Variants in SP100 observed in about 807,000 individuals in gnomAD.
The protein encoded by SP100 is nuclear autoantigen Sp-100.
A neutral mutation model predicts 130.0 loss-of-function variants in SP100; 84 were observed. That is an observed-to-expected ratio of 0.65 (90% CI 0.54 to 0.77). The LOEUF is 0.77. Ranked by LOEUF, SP100 falls within the 30% of genes least tolerant of loss-of-function variation. The pLI is 0.00. For synonymous variants in SP100, 331 were observed against 351.7 expected, an observed-to-expected ratio of 0.94 and a Z score of 0.66; for missense variants, 978 against 1,052.2, an observed-to-expected ratio of 0.93 and a Z score of 0.97.
At chr2:230,448,424 T>C (rs1235471999) in intron 5 of SP100, among the ~76,000 whole-genome samples, 1 of 152,150 alleles carries the variant, frequency 6.6e-6, no homozygotes, top group Non-Finnish European at 1.5e-5. Flanking sequence ...GCAGATAAGG[T>C]AACTGAAATC....
chr2:230,517,239 G>A (rs1294887848), intron 24 of SP100, among the ~76,000 whole-genome samples: 1 of 152,122 alleles, frequency 6.6e-6, no homozygotes, highest in Non-Finnish European at 1.5e-5. Flanking sequence ...TTAGGATGTT[G>A]ATCTTGGGGA....
At position 230,506,263 on chromosome 2, in the gene SP100, T is replaced by C. The variant is rs562280260; in HGVS notation, c.1871-40T>C. On this transcript the variant is annotated intron_variant, in intron 21 of 28. Coordinates refer to ENST00000340126, the MANE Select transcript of SP100 (RefSeq NM_001080391.2). ...CATGGGGGGAGGCCAAGTTCAGGTG[T>C]TTTCACAGTTGGGGAGCTCACTTTG... is the stretch of plus-strand genomic sequence containing the variant. The C allele has an allele frequency of 9.3e-6, 15 of 1,608,074 alleles. No homozygotes were observed. The South Asian group carries it at 1.5e-4, about 17-fold the overall frequency.
At chr2:230,512,291 T>C (rs1418937506) in intron 24 of SP100, among the ~76,000 whole-genome samples, 4 of 135,232 alleles carry the variant, frequency 3.0e-5, no homozygotes, top group Non-Finnish European at 6.4e-5. Flanking sequence ...TTTTTTTTTT[T>C]TTTTTTTTTT....
chr2:230,509,808 T>C (rs1362190474), intron 23 of SP100: 1 of 152,258 alleles, frequency 6.6e-6, no homozygotes, highest in Non-Finnish European at 1.5e-5. Flanking sequence ...GCTAATCGTT[T>C]ACTGGCTGCT....
Position 230,464,015 on chromosome 2 carries a change from G to T in SP100, c.1058-52G>T, listed in dbSNP as rs147199722. On this transcript the variant is annotated intron_variant, in intron 10 of 28. Coordinates refer to ENST00000340126, the MANE Select transcript of SP100 (RefSeq NM_001080391.2). ...TTATTAGGGAATTTCCTACTGAACT[G>T]ATTCCTTGGTCACACACTGAGACCT... 617 of 1,242,036 alleles carry T rather than the reference G, an allele frequency of 5.0e-4. 2 individuals are homozygous for T. The African/African-American group carries it at 8.4e-3, about 17-fold the overall frequency. 76.9% of individuals were successfully genotyped at this position (1,242,036 alleles called of 1,614,324 possible). A position where few individuals can be genotyped will look rare whatever the true frequency, so the allele number is the denominator to read the frequency against.
intron 17 of SP100, among the ~76,000 whole-genome samples, chr2:230,489,479 G>GTT (rs528312665): frequency 6.6e-6 from 1 of 151,236 alleles, no homozygotes. Flanking sequence ...CCAGCTCCTG[G>GTT]TTTTTTTGGA....
chr2:230,455,329 G>T (rs751361630), intron 8 of SP100, among the ~76,000 whole-genome samples: 1 of 152,196 alleles, frequency 6.6e-6, no homozygotes, highest in African/African-American at 2.4e-5. Flanking sequence ...CTCCCAAAGT[G>T]TTGGGATTAC....
chr2:230,447,604 T>C (rs779376398), intron 5 of SP100, among the ~76,000 whole-genome samples: 1 of 152,136 alleles, frequency 6.6e-6, no homozygotes, highest in Non-Finnish European at 1.5e-5. Context: ...ATATTTGACA[T>C]TTATTATAAA....
Position 230,439,011 on chromosome 2 carries a change from T to G in SP100, c.108-3926T>G, listed in dbSNP as rs946469628. Among the ~76,000 whole-genome samples, 4 of 152,138 alleles carry G rather than the reference T, an allele frequency of 2.6e-5. No homozygotes were observed. The East Asian group carries it at 7.7e-4, about 29-fold the overall frequency. On this transcript the variant is annotated intron_variant, in intron 2 of 28. Coordinates refer to ENST00000340126, the MANE Select transcript of SP100 (RefSeq NM_001080391.2). Reference sequence around the variant, plus strand: ...CCTTTTCACCACATCCACGCCAACATCTATCATGTTTTTATTTTTTAATTA... The same window carrying G: ...CCTTTTCACCACATCCACGCCAACAGCTATCATGTTTTTATTTTTTAATTA...
In SP100 at chr2:230,440,569, G is replaced by T. The variant is rs1213283705; in HGVS notation, c.108-2368G>T. On this transcript the variant is annotated intron_variant, in intron 2 of 28. Transcript: ENST00000340126. The stretch of plus-strand genomic sequence containing the variant: ...AAAATTAAACACATGTAAGTAAATG[G>T]AGAGATATACAATGTTAACAGATTG... The T allele has an allele frequency of 2.9e-6, 4 of 1,384,706 alleles. No homozygotes were observed. In the East Asian group the frequency reaches 1.2e-4, roughly 41 times the overall value. 85.8% of individuals were successfully genotyped at this position (1,384,706 alleles called of 1,614,324 possible). A position where few individuals can be genotyped will look rare whatever the true frequency, so the allele number is the denominator to read the frequency against.
chr2:230,521,515 C>G (rs916314316), intron 24 of SP100, among the ~76,000 whole-genome samples: 1 of 152,140 alleles, frequency 6.6e-6, no homozygotes, highest in Non-Finnish European at 1.5e-5. Context: ...CCCTATAAAC[C>G]CCTAATTTTA....
chr2:230,436,955 TAC>T lies in SP100; in HGVS notation c.108-5974_108-5973del, dbSNP rs373796827. 9.7e-4 allele frequency among the ~76,000 whole-genome samples: 129 copies of T among 133,370 alleles called. No homozygotes were observed. In the Middle Eastern group the frequency reaches 0.015, roughly 15 times the overall value. 87.5% of individuals were successfully genotyped at this position (133,370 alleles called of 152,430 possible). ...GTATACACACACGCATATATGTGTA[TAC>T]ACACACATATATATGTGTATACACA... On this transcript the variant is annotated intron_variant, in intron 2 of 28. Transcript: ENST00000340126.
intron 8 of SP100, 37 bp from the exon 9 acceptor site, chr2:230,461,225 G>A (rs2149963910): frequency 6.2e-7 from 1 of 1,604,922 alleles, no homozygotes. Context: ...AGGTTCACTG[G>A]GGACACAAAT....
intron 2 of SP100, among the ~76,000 whole-genome samples, chr2:230,439,612 AT>A (rs1426152095): frequency 6.6e-6 from 1 of 150,616 alleles, no homozygotes. Flanking sequence ...TTATTTATTT[AT>A]TTTTTTGCAG....
rs550526729 is a variant in SP100 at position 230,505,311 on chromosome 2, C to T, written c.1871-992C>T. Reference sequence around the variant, plus strand: ...CTAGCACCCACTACAAGGGCAAGCACCTCAGTACTTGGGTGGAAAATGTAC... The same window carrying T: ...CTAGCACCCACTACAAGGGCAAGCATCTCAGTACTTGGGTGGAAAATGTAC... On this transcript the variant is annotated intron_variant, in intron 21 of 28. Coordinates refer to ENST00000340126, the MANE Select transcript of SP100 (RefSeq NM_001080391.2). Among the ~76,000 whole-genome samples the T allele has an allele frequency of 1.1e-4, 17 of 152,308 alleles. No individual in the cohort carries two copies. In the South Asian group the frequency reaches 3.3e-3, roughly 30 times the overall value.
rs1026225143 is a variant in SP100 at position 230,450,376 on chromosome 2, A to G, written c.820+121A>G. On this transcript the variant is annotated intron_variant, in intron 8 of 28. Coordinates refer to ENST00000340126, the MANE Select transcript of SP100 (RefSeq NM_001080391.2). ...ACCACTTTTTAAAATTACCAGATTA[A>G]AAGCTGGATGTATTTATCATTACAT... is the stretch of plus-strand genomic sequence containing the variant. The G allele has an allele frequency of 1.4e-4, 91 of 665,278 alleles. 1 individual carries two copies. The Middle Eastern group carries it at 2.4e-3, about 18-fold the overall frequency. The allele number at this position is 665,278 out of a possible 1,614,324, so 41.2% of individuals were successfully genotyped here. A position where few individuals can be genotyped will look rare whatever the true frequency, so the allele number is the denominator to read the frequency against.
chr2:230,487,567 G>C (rs183777969), intron 17 of SP100, among the ~76,000 whole-genome samples: 1 of 152,168 alleles, frequency 6.6e-6, no homozygotes, highest in Non-Finnish European at 1.5e-5. Flanking sequence ...GGGGTGTTTT[G>C]GTTACTGTAG....
rs1252605907 is a variant in SP100 at position 230,466,286 on chromosome 2, C to T, written c.1142-15C>T. ...CTTGCATACAAATAACGGGTTTCTCCCTTTTACTTTACAGAGCCCATGGAT... is the reference window on the plus strand; with the variant it reads ...CTTGCATACAAATAACGGGTTTCTCTCTTTTACTTTACAGAGCCCATGGAT... On this transcript the variant is annotated splice_polypyrimidine_tract_variant and intron_variant, in intron 11 of 28. Transcript: ENST00000340126. 2 of 1,521,892 alleles carry T rather than the reference C, an allele frequency of 1.3e-6. No individual in the cohort carries two copies. Among genetic ancestry groups the T allele is most frequent in the Admixed American group, 1.7e-5 (1 of 57,582 alleles). 94.3% of individuals were successfully genotyped at this position (1,521,892 alleles called of 1,614,324 possible).
At chr2:230,496,062 G>A (rs947418750) in intron 18 of SP100, among the ~76,000 whole-genome samples, 4 of 151,916 alleles carry the variant, frequency 2.6e-5, no homozygotes, top group Non-Finnish European at 5.9e-5. Context: ...ATACCTATCT[G>A]TCATCTTGGT....
Sources: allele counts gnomAD v4.1 joint callset (sites outside exome capture counted in the v4.1 genomes callset), GRCh38; gene constraint gnomAD v4.1.1; transcripts MANE v1.5; gene names NCBI Gene and HGNC (gene_info 2026-07-23, HGNC 2026-07-21).